USP46: variants seen among roughly 807,000 people sequenced by gnomAD.
USP46 encodes the protein ubiquitin carboxyl-terminal hydrolase 46.
In USP46, 12 loss-of-function variants were observed where a neutral mutation model predicts 44.4. That is an observed-to-expected ratio of 0.27 (90% CI 0.17 to 0.44). The LOEUF (loss-of-function observed/expected upper bound fraction) is 0.44, where lower values mean the gene tolerates loss of function less well. USP46 is among the 20% of genes least tolerant of loss of function. The pLI, the probability that USP46 is intolerant of heterozygous loss-of-function variation, is 1.00. For synonymous variants in USP46, 155 were observed against 161.5 expected (o/e 0.96, Z 0.31); for missense variants, 248 against 444.8 (o/e 0.56, Z 3.98).
chr4:52,658,731 G>T (rs1374013093), intron 1 of USP46, among the ~76,000 whole-genome samples: 1 of 152,224 alleles, frequency 6.6e-6, no homozygotes, highest in African/African-American at 2.4e-5. Flanking sequence ...CAATAAGGCT[G>T]TCTTGACCGC....
rs1261573982 is a variant in USP46 at position 52,592,753 on chromosome 4, C to T, written c.*4887G>A. The T allele has an allele frequency of 2.3e-5, 9 of 396,594 alleles. No homozygotes were observed. Among genetic ancestry groups the T allele is most frequent in the South Asian group, 2.7e-4 (2 of 7,274 alleles). The allele number at this position is 396,594 out of a possible 1,614,324, so 24.6% of individuals were successfully genotyped here. ...ACTTGGGAGGCTGAGGCAGAAGAAT[C>T]GCTTGAACTCGGGAGGCAGAGGTTG... On this transcript the variant is annotated 3_prime_UTR_variant, in exon 9 of 9. Transcript: ENST00000441222.
At chr4:52,649,913 C>A (rs918008686) in intron 1 of USP46, among the ~76,000 whole-genome samples, 1 of 152,198 alleles carries the variant, frequency 6.6e-6, no homozygotes, top group African/African-American at 2.4e-5. Flanking sequence ...CACACATACA[C>A]ACGCAGGTGC....
At chr4:52,658,527 C>G (rs1023232037) in intron 1 of USP46, among the ~76,000 whole-genome samples, 1 of 152,206 alleles carries the variant, frequency 6.6e-6, no homozygotes, top group Non-Finnish European at 1.5e-5. Flanking sequence ...GATGGGGAAA[C>G]TGAGGCATGC....
At chr4:52,609,991 T>C (rs1332448882) in intron 5 of USP46, among the ~76,000 whole-genome samples, 1 of 121,712 alleles carries the variant, frequency 8.2e-6, no homozygotes, top group Non-Finnish European at 1.6e-5. Flanking sequence ...AGTGGCGCGA[T>C]CTCGACTCAC....
Position 52,592,364 on chromosome 4 carries a change from T to C in USP46, c.*5276A>G, listed in dbSNP as rs1420347379. ...TTTAGTACTAACCCCACAACCAAAATTTTCCTTCAGTAAAAGAAAAATGAC... is the reference window on the plus strand; with the variant it reads ...TTTAGTACTAACCCCACAACCAAAACTTTCCTTCAGTAAAAGAAAAATGAC... On this transcript the variant is annotated 3_prime_UTR_variant, in exon 9 of 9. Transcript: ENST00000441222. The C allele has an allele frequency of 6.6e-6, 1 of 152,216 alleles. No homozygotes were observed. The highest frequency in any genetic ancestry group is 1.9e-4 in the East Asian group (1 of 5,200). The allele number at this position is 152,216 out of a possible 1,614,324, so 9.4% of individuals were successfully genotyped here. A position where few individuals can be genotyped will look rare whatever the true frequency, so the allele number is the denominator to read the frequency against.
At position 52,621,294 on chromosome 4, in the gene USP46, A is replaced by C. The variant is rs192469897; in HGVS notation, c.561+4724T>G. 9.0e-4 allele frequency among the ~76,000 whole-genome samples: 137 copies of C among 152,272 alleles called. 4 individuals are homozygous for C. Among genetic ancestry groups the C allele is most frequent in the Admixed American group, 8.3e-3 (127 of 15,298 alleles). ...AAATCGTAGATCTCACAATCCAACA[A>C]TGTATATAAAAGATAAAGCCCCAAT... On this transcript the variant is annotated intron_variant, in intron 4 of 8. Coordinates refer to ENST00000441222, the MANE Select transcript of USP46 (RefSeq NM_022832.4).
chr4:52,643,554 T>G (rs966871423), intron 1 of USP46, among the ~76,000 whole-genome samples: 6 of 152,216 alleles, frequency 3.9e-5, no homozygotes, highest in Non-Finnish European at 8.8e-5. Flanking sequence ...TACCAACCCC[T>G]GTACTATGCC....
chr4:52,598,451 C>G (rs549382922), intron 8 of USP46, 177 bp downstream of exon 8: 141 of 627,222 alleles, frequency 2.2e-4, no homozygotes, highest in African/African-American at 2.2e-3. Flanking sequence ...GATCACACCC[C>G]TTCTCCCTTT....
At chr4:52,657,698 AAAAG>A (rs756219042) in intron 1 of USP46, among the ~76,000 whole-genome samples, 1 of 152,204 alleles carries the variant, frequency 6.6e-6, no homozygotes, top group Non-Finnish European at 1.5e-5. Flanking sequence ...AGAAAGGAAA[AAAAG>A]AGAAAACAGA....
At chr4:52,635,533 C>T (rs1278810011) in intron 1 of USP46, among the ~76,000 whole-genome samples, 3 of 152,154 alleles carry the variant, frequency 2.0e-5, no homozygotes, top group Admixed American at 6.5e-5. Context: ...TGACCCTTCT[C>T]ACTGGCCTTC....
intron 5 of USP46, among the ~76,000 whole-genome samples, chr4:52,607,543 C>T (rs1340075421): frequency 3.3e-5 from 5 of 152,174 alleles, no homozygotes; most frequent in African/African-American, 7.2e-5. Flanking sequence ...TAAAAATACA[C>T]TTTGGGGCTT....
chr4:52,626,893 A>G (rs1056371400), intron 3 of USP46, among the ~76,000 whole-genome samples: 5 of 152,216 alleles, frequency 3.3e-5, no homozygotes, highest in Non-Finnish European at 5.9e-5. Context: ...TGTAACTACC[A>G]ATGATCAATT....
intron 4 of USP46, among the ~76,000 whole-genome samples, chr4:52,624,548 G>A (rs1307089600): frequency 6.6e-6 from 1 of 152,138 alleles, no homozygotes; most frequent in African/African-American, 2.4e-5. Flanking sequence ...TTGTTTAAAA[G>A]CATGGAAGAA....
At chr4:52,656,183 T>G in intron 1 of USP46, 1 of 1,001,184 alleles carries the variant, frequency 1.0e-6, no homozygotes, top group Non-Finnish European at 1.5e-6. Flanking sequence ...CAATCACCAT[T>G]TGCTCTTACT....
intron 4 of USP46, among the ~76,000 whole-genome samples, chr4:52,615,278 C>A (rs543072458): frequency 1.3e-5 from 2 of 151,926 alleles, no homozygotes; most frequent in South Asian, 2.1e-4. Context: ...AATTTCTATG[C>A]CGTCCGCAAG....
At chr4:52,617,554 A>C (rs1412950262) in intron 4 of USP46, among the ~76,000 whole-genome samples, 1 of 152,218 alleles carries the variant, frequency 6.6e-6, no homozygotes, top group African/African-American at 2.4e-5. Context: ...GCTCAGAGGA[A>C]TCACCCCTGC....
chr4:52,598,064 A>C (rs1462548993), intron 8 of USP46, among the ~76,000 whole-genome samples: 1 of 152,216 alleles, frequency 6.6e-6, no homozygotes, highest in African/African-American at 2.4e-5. Context: ...TTCGGCCACC[A>C]GAGTTCATCT....
chr4:52,658,287 G>A, intron 1 of USP46: 2 of 456,152 alleles, frequency 4.4e-6, no homozygotes. Flanking sequence ...TCTTCCTACA[G>A]AAAAAGGGAA....
chr4:52,653,322 A>G (rs1560415072), intron 1 of USP46, among the ~76,000 whole-genome samples: 2 of 151,906 alleles, frequency 1.3e-5, no homozygotes, highest in South Asian at 2.1e-4. Flanking sequence ...CCTGGCCAAC[A>G]TGGTGAAACC....
Sources: gnomAD v4.1 joint callset for allele counts (sites outside exome capture counted in the v4.1 genomes callset) on GRCh38, gnomAD v4.1.1 for gene constraint, MANE v1.5 for transcripts, NCBI Gene and HGNC (gene_info 2026-07-23, HGNC 2026-07-21) for gene names.